The following FAM107A variants were observed in gnomAD, a reference collection of about 807,000 sequenced individuals.
FAM107A encodes family with sequence similarity 107 member A.
Under a neutral mutation model 13.7 loss-of-function variants are expected in FAM107A, and 19 were observed. That is an observed-to-expected ratio of 1.38 (90% CI 0.97 to 2.03). The LOEUF (loss-of-function observed/expected upper bound fraction) is 2.03. Ranked by LOEUF, FAM107A falls within the 30% of genes most tolerant of loss-of-function variation. The pLI, the probability that FAM107A is intolerant of heterozygous loss-of-function variation, is 0.00. For missense variants in FAM107A, 203 were observed against 184.4 expected (o/e 1.10, Z -0.58); for synonymous variants, 82 against 74.5 (o/e 1.10, Z -0.52).
rs78745865 is a variant in FAM107A at position 58,622,659 on chromosome 3, G to A, written c.-70+4757C>T. Among the ~76,000 whole-genome samples the A allele has an allele frequency of 1.1e-3, 161 of 152,324 alleles. 6 individuals carry two copies. The East Asian group carries it at 0.029, about 27-fold the overall frequency. ...GGCTGGAATGCAGAGAAGTGTTGGC[G>A]GTGGATAGAAATCAGGAGGGCAATA... On this transcript the variant is annotated intron_variant, in intron 1 of 3. Transcript: ENST00000465970.
intron 2 of FAM107A, among the ~76,000 whole-genome samples, chr3:58,568,141 G>T (rs7648382): frequency 0.37 from 55,938 of 151,236 alleles, 11,083 homozygotes; most frequent in East Asian, 0.77. Flanking sequence ...CTTGTCCATT[G>T]TAAGAGATCT....
At chr3:58,577,521 A>G, upstream of FAM107A, 1 of 985,380 alleles carries the variant, frequency 1.0e-6, no homozygotes, top group Non-Finnish European at 1.2e-6. This position sits in a 1 kb window ranked among gnomAD's most constrained non-coding sequence, Gnocchi z 4.9. Context: ...TACTATAGTA[A>G]CAGATATTCC....
chr3:58,624,748 A>G (rs2065995210), intron 1 of FAM107A, among the ~76,000 whole-genome samples: 1 of 150,614 alleles, frequency 6.6e-6, no homozygotes. Context: ...ACCTTGCCTA[A>G]GAGGAATAGA....
chr3:58,609,599 A>G (rs1477005698), intron 1 of FAM107A, among the ~76,000 whole-genome samples: 1 of 152,230 alleles, frequency 6.6e-6, no homozygotes, highest in Non-Finnish European at 1.5e-5. Context: ...GCACTGCCCT[A>G]GGCCCTAGGG....
At chr3:58,595,200 A>C (rs1274707175) in intron 1 of FAM107A, among the ~76,000 whole-genome samples, 1 of 151,650 alleles carries the variant, frequency 6.6e-6, no homozygotes, top group Non-Finnish European at 1.5e-5. Flanking sequence ...CACCCCCAAA[A>C]ATTTTCACCG....
intron 1 of FAM107A, among the ~76,000 whole-genome samples, chr3:58,625,004 G>A (rs2065998267): frequency 6.6e-6 from 1 of 151,884 alleles, no homozygotes; most frequent in African/African-American, 2.4e-5. Flanking sequence ...GTGGGGCTGA[G>A]GAAGATGCTG....
chr3:58,569,825 A>G lies in FAM107A; in HGVS notation c.36T>C (p.Ile12=), dbSNP rs1351065006. The G allele has an allele frequency of 5.0e-6, 8 of 1,613,922 alleles. No homozygotes were observed. Among genetic ancestry groups the G allele is most frequent in the Non-Finnish European group, 5.9e-6 (7 of 1,179,992 alleles). Residue 12 remains isoleucine, a synonymous_variant, in exon 2 of 4, where the codon ATT becomes ATC. Transcript: ENST00000360997. This position sits in a 1 kb window ranked among gnomAD's most constrained non-coding sequence, Gnocchi z 5.7. ...YSEIQRERAD[I]GGLMARPEYR... ...ATTCTGGCCGGGCCATCAGGCCCCC[A>G]ATGTCTGCCCGCTCCCTCTGGATCT... is the stretch of plus-strand genomic sequence containing the variant.
chr3:58,580,973 T>A (rs1021812171), upstream of FAM107A, among the ~76,000 whole-genome samples: 4 of 150,134 alleles, frequency 2.7e-5, no homozygotes, highest in African/African-American at 1.0e-4. Flanking sequence ...AGTTATGTCA[T>A]CAGAATATGG....
At chr3:58,573,519 C>CG (rs2063704515) in intron 1 of FAM107A, 1 of 152,318 alleles carries the variant, frequency 6.6e-6, no homozygotes, top group African/African-American at 2.4e-5. Flanking sequence ...GGGGTCCATC[C>CG]GGGGAGTGGC....
Position 58,617,885 on chromosome 3 carries a change from G to C in FAM107A, c.-70+9531C>G, listed in dbSNP as rs140309958. Among the ~76,000 whole-genome samples, 1 of 152,166 alleles carries C rather than the reference G, an allele frequency of 6.6e-6. No individual in the cohort carries two copies. Among genetic ancestry groups the C allele is most frequent in the Non-Finnish European group, 1.5e-5 (1 of 68,034 alleles). On this transcript the variant is annotated intron_variant, in intron 1 of 3. Transcript: ENST00000465970. The surrounding 1 kb of genome is among the most constrained non-coding windows in gnomAD (Gnocchi z 4.5). ...CAAGATGAACAGCTTCAATCCTGAC[G>C]CTTGAAAAACAAGTCCATGAGAACG... is the stretch of plus-strand genomic sequence containing the variant.
upstream of FAM107A, among the ~76,000 whole-genome samples, chr3:58,579,315 T>C (rs1199380318): frequency 6.6e-6 from 1 of 152,084 alleles, no homozygotes; most frequent in Non-Finnish European, 1.5e-5. Context: ...AGGGCAGGCA[T>C]GTCCAGGGAG....
intron 1 of FAM107A, among the ~76,000 whole-genome samples, chr3:58,600,267 T>C (rs2065743030): frequency 6.6e-6 from 1 of 152,124 alleles, no homozygotes; most frequent in African/African-American, 2.4e-5. Context: ...GTAGGTACTG[T>C]TTACCCCATT....
At chr3:58,570,733 T>C (rs1303825265) in intron 1 of FAM107A, among the ~76,000 whole-genome samples, 1 of 152,214 alleles carries the variant, frequency 6.6e-6, no homozygotes, top group Non-Finnish European at 1.5e-5. Context: ...AGACTTTAGC[T>C]CTGCTCTCTT....
intron 1 of FAM107A, among the ~76,000 whole-genome samples, chr3:58,622,771 G>A (rs963151824): frequency 6.6e-6 from 1 of 152,098 alleles, no homozygotes; most frequent in East Asian, 1.9e-4. Context: ...TGGGCAGGAG[G>A]GGGGCTCTGC....
intron 1 of FAM107A, among the ~76,000 whole-genome samples, chr3:58,574,872 C>T (rs563264384): frequency 1.5e-3 from 230 of 152,282 alleles, no homozygotes; most frequent in African/African-American, 5.3e-3. Flanking sequence ...CAGCAGAGAT[C>T]ACTGCTGCTC....
Position 58,564,319 on chromosome 3 carries a change from T to C in FAM107A, c.*2269A>G, listed in dbSNP as rs568493806. The C allele has an allele frequency of 6.6e-6, 1 of 152,348 alleles. No homozygotes were observed. Among genetic ancestry groups the C allele is most frequent in the South Asian group, 2.1e-4 (1 of 4,824 alleles). The allele number at this position is 152,348 out of a possible 1,614,324, so 9.4% of individuals were successfully genotyped here. On this transcript the variant is annotated 3_prime_UTR_variant, in exon 4 of 4. Transcript: ENST00000360997. The surrounding 1 kb of genome is among the most constrained non-coding windows in gnomAD (Gnocchi z 5.6). ...AAGAGGCCCAGGGAGGTGTTAGCCATGCCTGTGTCTTTTATTGGAAAAGCT... is the reference window on the plus strand; with the variant it reads ...AAGAGGCCCAGGGAGGTGTTAGCCACGCCTGTGTCTTTTATTGGAAAAGCT...
chr3:58,615,113 A>T (rs1175481305), intron 1 of FAM107A, among the ~76,000 whole-genome samples: 1 of 152,206 alleles, frequency 6.6e-6, no homozygotes, highest in Non-Finnish European at 1.5e-5. Context: ...GCCCAAGCCA[A>T]TAGGATTTTT....
At chr3:58,578,075 G>T (rs2063745231), upstream of FAM107A, among the ~76,000 whole-genome samples, 1 of 152,160 alleles carries the variant, frequency 6.6e-6, no homozygotes, top group African/African-American at 2.4e-5. Context: ...CAAATGTGGA[G>T]CATACCAGGG....
chr3:58,575,037 A>G (rs1447524080), intron 1 of FAM107A, among the ~76,000 whole-genome samples: 3 of 152,200 alleles, frequency 2.0e-5, no homozygotes, highest in African/African-American at 7.2e-5. Context: ...TCGTCTTGAC[A>G]ATAGCCATGG....
Sources: allele counts gnomAD v4.1 joint callset (sites outside exome capture counted in the v4.1 genomes callset), GRCh38; gene constraint gnomAD v4.1.1; non-coding constraint Gnocchi (gnomAD v3.1); transcripts MANE v1.5; gene names NCBI Gene and HGNC (gene_info 2026-07-23, HGNC 2026-07-21).